TRPV3: variants seen among roughly 807,000 people sequenced by gnomAD.
TRPV3 encodes VRL-3.
A neutral mutation model predicts 87.1 loss-of-function variants in TRPV3; 88 were observed. That is an observed-to-expected ratio of 1.01 (90% confidence interval 0.85 to 1.21). The LOEUF (loss-of-function observed/expected upper bound fraction) is 1.21. Among genes scored for constraint, TRPV3 ranks in the 50% most tolerant of loss-of-function variants. The probability of loss-of-function intolerance (pLI) is 0.00; values close to 1 mark genes in which losing one functional copy is unlikely to be tolerated. For synonymous variants in TRPV3, 438 were observed against 423.3 expected, an observed-to-expected ratio of 1.03 and a Z score of -0.43; for missense variants, 1,054 against 1,030.1, an observed-to-expected ratio of 1.02 and a Z score of -0.32.
intron 4 of TRPV3, 85 bp downstream of exon 4, chr17:3,544,494 C>T (rs963154211): frequency 3.7e-6 from 3 of 814,118 alleles, no homozygotes; most frequent in African/African-American, 1.7e-5. Flanking sequence ...GATTCTTTCT[C>T]CTTCCTGCAG....
Position 3,556,494 on chromosome 17 carries a change from C to T in TRPV3, c.-3+1182G>A, listed in dbSNP as rs559295072. On this transcript the variant is annotated intron_variant, in intron 1 of 17. Coordinates refer to ENST00000576742, the MANE Select transcript of TRPV3 (RefSeq NM_145068.4). This position sits in a 1 kb window ranked among gnomAD's most constrained non-coding sequence, Gnocchi z 4.2. ...AATCATCCTCAGGGGACTCACCTGG[C>T]GACACATAGGTGGGGGCAGGAAGAC... Among the ~76,000 whole-genome samples the T allele has an allele frequency of 4.6e-5, 7 of 151,960 alleles. No individual in the cohort carries two copies. Among genetic ancestry groups the T allele is most frequent in the East Asian group, 3.9e-4 (2 of 5,174 alleles).
Position 3,532,597 on chromosome 17 carries a change from G to A in TRPV3, c.1065+60C>T, listed in dbSNP as rs549313155. The A allele has an allele frequency of 1.3e-5, 20 of 1,582,356 alleles. No homozygotes were observed. In the South Asian group the frequency reaches 1.4e-4, roughly 11 times the overall value. ...CCAGTAAGGCCCCCGGGGCTGAGAG[G>A]GTGGCAGCTGTACCTCCTGACCTCC... On this transcript the variant is annotated intron_variant, in intron 8 of 17. Coordinates refer to ENST00000576742, the MANE Select transcript of TRPV3 (RefSeq NM_145068.4).
rs2074403118 is a variant in TRPV3, at chr17:3,535,692, G to A, written c.665C>T (p.Ala222Val). The change falls in exon 7 of 18, where the codon GCC becomes GTC. Residue 222 changes from alanine to valine, a missense_variant. Coordinates refer to ENST00000576742, the MANE Select transcript of TRPV3 (RefSeq NM_145068.4). ...AYEGQTALNIAIERRQGDIAA... is the reference protein window; with the variant it reads ...AYEGQTALNIVIERRQGDIAA... Reference sequence around the variant, plus strand: ...GATGTCCCCCTGCCGCCGCTCGATGGCGATGTTCAGCGCCGTCTGCCCTGC... The same window carrying A: ...GATGTCCCCCTGCCGCCGCTCGATGACGATGTTCAGCGCCGTCTGCCCTGC... The A allele has an allele frequency of 4.4e-6, 7 of 1,573,356 alleles. No homozygotes were observed.
chr17:3,529,940 A>T (rs963184655), intron 9 of TRPV3, 87 bp downstream of exon 9: 23 of 1,464,128 alleles, frequency 1.6e-5, no homozygotes, highest in African/African-American at 1.4e-5. Context: ...AGCTGGCAGC[A>T]CTGGGTCTTC....
chr17:3,552,871 G>A (rs927371725), intron 2 of TRPV3: 1 of 152,298 alleles, frequency 6.6e-6, no homozygotes, highest in Non-Finnish European at 1.5e-5. Flanking sequence ...GCTTAGCTCA[G>A]GGATGTCTCT....
At chr17:3,545,594 G>T (rs1451900235) in intron 2 of TRPV3, among the ~76,000 whole-genome samples, 1 of 152,062 alleles carries the variant, frequency 6.6e-6, no homozygotes, top group African/African-American at 2.4e-5. Flanking sequence ...AGCCCCAGTA[G>T]GATCTGTGGC....
intron 2 of TRPV3, among the ~76,000 whole-genome samples, chr17:3,546,216 C>T (rs1463632394): frequency 6.6e-6 from 1 of 151,930 alleles, no homozygotes; most frequent in Non-Finnish European, 1.5e-5. Context: ...CCTAGGCGGG[C>T]GGATCATCTG....
chr17:3,554,869 G>A lies in TRPV3; in HGVS notation c.-2-17C>T, dbSNP rs770626065. 6 of 1,574,880 alleles carry A rather than the reference G, an allele frequency of 3.8e-6. No homozygotes were observed. The African/African-American group carries it at 8.1e-5, about 21-fold the overall frequency. ...CTTTCATGGCTGGAATACAACCACA[G>A]GGCAGATGCTCAGGCCGGGGGGACA... is the stretch of plus-strand genomic sequence containing the variant. On this transcript the variant is annotated splice_polypyrimidine_tract_variant and intron_variant, in intron 1 of 17. Coordinates refer to ENST00000576742, the MANE Select transcript of TRPV3 (RefSeq NM_145068.4).
intron 2 of TRPV3, chr17:3,546,507 A>G: frequency 2.8e-6 from 1 of 357,980 alleles, no homozygotes; most frequent in Non-Finnish European, 5.6e-6. Context: ...CATTTGTCTC[A>G]GTGGGGTCGG....
At chr17:3,555,182 G>C (rs1316786941) in intron 1 of TRPV3, among the ~76,000 whole-genome samples, 1 of 152,014 alleles carries the variant, frequency 6.6e-6, no homozygotes, top group African/African-American at 2.4e-5. Context: ...CTAGTGGAGA[G>C]TCCAGCAGGG....
At position 3,513,865 on chromosome 17, in the gene TRPV3, T is replaced by C. The variant is rs1018673758; in HGVS notation, c.*52A>G. The C allele has an allele frequency of 3.4e-5, 51 of 1,499,770 alleles. No homozygotes were observed. The highest frequency in any genetic ancestry group is 6.9e-5 in the African/African-American group (5 of 72,080). 92.9% of individuals were successfully genotyped at this position (1,499,770 alleles called of 1,614,324 possible). On this transcript the variant is annotated 3_prime_UTR_variant, in exon 18 of 18. Coordinates refer to ENST00000576742, the MANE Select transcript of TRPV3 (RefSeq NM_145068.4). The stretch of plus-strand genomic sequence containing the variant: ...AGCCTCTCTGCACAGAGTCGGTGAC[T>C]CCGCCTGCAGCGCCAGACAGCGCAC...
At chr17:3,517,396 T>C (rs1486909189) in intron 15 of TRPV3, among the ~76,000 whole-genome samples, 5 of 151,922 alleles carry the variant, frequency 3.3e-5, no homozygotes, top group Non-Finnish European at 7.4e-5. Context: ...GGCGGGCGAA[T>C]CGCTTTGAGC....
chr17:3,526,853 C>T lies in TRPV3; in HGVS notation c.1577+1G>A. 2 of 1,609,868 alleles carry T rather than the reference C, an allele frequency of 1.2e-6. No individual in the cohort carries two copies. Among genetic ancestry groups the T allele is most frequent in the African/African-American group, 2.7e-5 (2 of 74,990 alleles). On this transcript the variant is annotated splice_donor_variant, in intron 12 of 17. Coordinates refer to ENST00000576742, the MANE Select transcript of TRPV3 (RefSeq NM_145068.4). LOFTEE classifies it high-confidence loss of function. ...ATAACCAAGGGGCCAGACCTACTTA[C>T]AAGACAAAGTGGAACCAGGCATCCG...
At position 3,514,640 on chromosome 17, in the gene TRPV3, G is replaced by A. The variant is rs747520592; in HGVS notation, c.2231C>T (p.Thr744Met). The change falls in exon 17 of 18, where the codon ACG (threonine) becomes ATG (methionine). Residue 744 changes from threonine (T) to methionine (M), a missense_variant. Transcript: ENST00000576742. ...INEVKWTEWK[T>M]HVSFLNEDPG... ...GTCTTCGTTAAGGAAGGAGACGTGC[G>A]TCTTCCATTCAGTCCACTTCACCTC... is the stretch of plus-strand genomic sequence containing the variant. 4.3e-6 allele frequency: 7 copies of A among 1,613,968 alleles called. No homozygotes were observed. The highest frequency in any genetic ancestry group is 5.1e-6 in the Non-Finnish European group (6 of 1,179,862).
intron 6 of TRPV3, among the ~76,000 whole-genome samples, chr17:3,540,514 G>A (rs557008122): frequency 6.2e-4 from 94 of 152,300 alleles, no homozygotes; most frequent in Admixed American, 1.2e-3. Flanking sequence ...GGACAGCAAA[G>A]TCTTCACAGA....
At chr17:3,549,589 A>T (rs2074554167) in intron 2 of TRPV3, among the ~76,000 whole-genome samples, 1 of 152,224 alleles carries the variant, frequency 6.6e-6, no homozygotes, top group African/African-American at 2.4e-5. Context: ...TTGGTTGTAT[A>T]GATGCCCAGA....
rs899758999 is a variant in TRPV3 at position 3,511,284 on chromosome 17, T to C, written c.*2633A>G. On this transcript the variant is annotated 3_prime_UTR_variant, in exon 18 of 18. Transcript: ENST00000576742. ...CTGCCAAATGAGACACCTGAGAAAATAGTCCTGCCCCCCAATATAAGCGAA... is the reference window on the plus strand; with the variant it reads ...CTGCCAAATGAGACACCTGAGAAAACAGTCCTGCCCCCCAATATAAGCGAA... The C allele has an allele frequency of 2.0e-5, 3 of 152,000 alleles. No homozygotes were observed. Among genetic ancestry groups the C allele is most frequent in the African/African-American group, 4.8e-5 (2 of 41,358 alleles). The allele number at this position is 152,000 out of a possible 1,614,324, so 9.4% of individuals were successfully genotyped here.
chr17:3,538,199 A>G (rs1230703680), intron 6 of TRPV3, among the ~76,000 whole-genome samples: 4 of 152,276 alleles, frequency 2.6e-5, no homozygotes, highest in African/African-American at 9.6e-5. Context: ...TCAAAAAAAA[A>G]ATAGAAAGGC....
Position 3,544,581 on chromosome 17 carries a change from G to T in TRPV3, c.309C>A (p.Pro103=). The T allele has an allele frequency of 1.2e-6, 2 of 1,601,410 alleles. No homozygotes were observed. The highest frequency in any genetic ancestry group is 1.7e-4 in the Middle Eastern group (1 of 6,026). ...TGGAGGGGGAGGGGCAGACTTACCTGGGGCTGTTGGGATTGGATGGGGTCT... is the reference window on the plus strand; with the variant it reads ...TGGAGGGGGAGGGGCAGACTTACCTTGGGCTGTTGGGATTGGATGGGGTCT... ...VTETPSNPNS[P]SAQLAKEEQR... Residue 103 remains proline (P), a splice_region_variant and synonymous_variant, in exon 4 of 18, where the codon CCC becomes CCA. Coordinates refer to ENST00000576742, the MANE Select transcript of TRPV3 (RefSeq NM_145068.4).
Sources: gnomAD v4.1 joint callset for allele counts (sites outside exome capture counted in the v4.1 genomes callset) on GRCh38, gnomAD v4.1.1 for gene constraint, Gnocchi (gnomAD v3.1) non-coding constraint, MANE v1.5 for transcripts, NCBI Gene and HGNC (gene_info 2026-07-23, HGNC 2026-07-21) for gene names.